NRG1: variants seen among roughly 807,000 people sequenced by gnomAD.
NRG1 encodes neuregulin 1.
NRG1 carries 18 observed loss-of-function variants against 63.8 expected under a neutral mutation model. The observed-to-expected ratio is 0.28, with a 90% confidence interval of 0.19 to 0.42. The LOEUF (loss-of-function observed/expected upper bound fraction) is 0.42. NRG1 is among the 10% of genes least tolerant of loss of function. NRG1 has a pLI of 1.00. For synonymous variants in NRG1, 302 were observed against 301.3 expected (o/e 1.00, Z -0.02); for missense variants, 762 against 814.7 (o/e 0.94, Z 0.79).
At chr8:31,668,588 G>A (rs1254270959) in intron 1 of NRG1, among the ~76,000 whole-genome samples, 2 of 152,182 alleles carry the variant, frequency 1.3e-5, no homozygotes, top group African/African-American at 2.4e-5. Flanking sequence ...TTGGAAAATT[G>A]AAGACTAGAT....
chr8:32,246,022 G>A (rs1007723920), intron 1 of NRG1, among the ~76,000 whole-genome samples: 2 of 152,098 alleles, frequency 1.3e-5, no homozygotes, highest in Non-Finnish European at 2.9e-5. Context: ...CTTTAAATGA[G>A]CATACCTAAT....
intron 1 of NRG1, among the ~76,000 whole-genome samples, chr8:32,206,997 CATCT>C (rs1563909070): frequency 2.0e-5 from 3 of 152,128 alleles, no homozygotes. Context: ...CACCATAATC[CATCT>C]ATCTCCTCCG....
intron 1 of NRG1, among the ~76,000 whole-genome samples, chr8:31,961,471 A>T (rs2129626026): frequency 6.6e-6 from 1 of 152,320 alleles, no homozygotes; most frequent in East Asian, 1.9e-4. Flanking sequence ...TGTCTCCTCC[A>T]TTTAAAAAAA....
At chr8:31,926,224 A>C (rs1473249853) in intron 1 of NRG1, among the ~76,000 whole-genome samples, 1 of 152,154 alleles carries the variant, frequency 6.6e-6, no homozygotes. Flanking sequence ...CAGAGGTCTC[A>C]AATGAAAGAC....
intron 1 of NRG1, among the ~76,000 whole-genome samples, chr8:32,550,593 C>T (rs545751927): frequency 4.8e-4 from 73 of 152,248 alleles, no homozygotes; most frequent in Non-Finnish European, 9.4e-4. Context: ...TTGTCAAGGG[C>T]TCCCAGCAGC....
chr8:31,751,157 G>T (rs1235555502), intron 1 of NRG1, among the ~76,000 whole-genome samples: 1 of 151,962 alleles, frequency 6.6e-6, no homozygotes, highest in Non-Finnish European at 1.5e-5. Flanking sequence ...AATATTCGTT[G>T]ACTGTTTACT....
intron 1 of NRG1, among the ~76,000 whole-genome samples, chr8:31,962,758 C>G (rs1026269997): frequency 3.3e-5 from 5 of 152,088 alleles, no homozygotes; most frequent in African/African-American, 1.2e-4. Context: ...CTAGAGTTGC[C>G]TGCCATTTCT....
chr8:32,648,125 G>C (rs192228210), intron 5 of NRG1: 3 of 1,614,104 alleles, frequency 1.9e-6, no homozygotes, highest in Non-Finnish European at 2.5e-6. Context: ...TGTGGGTGTC[G>C]TCTGAGGCAT....
intron 1 of NRG1, among the ~76,000 whole-genome samples, chr8:32,132,418 G>T (rs1406839363): frequency 6.6e-6 from 1 of 151,976 alleles, no homozygotes; most frequent in Non-Finnish European, 1.5e-5. Context: ...TATGAAACTT[G>T]TACGTTTATA....
At chr8:32,026,073 CT>C (rs34251126) in intron 1 of NRG1, 105,393 of 119,532 alleles carry the variant, frequency 0.88, 46,344 homozygotes, top group East Asian at 0.96. Flanking sequence ...ATCTTTTTTT[CT>C]TTTTTTTTTT....
At chr8:31,958,248 T>G (rs1804811453) in intron 1 of NRG1, among the ~76,000 whole-genome samples, 1 of 152,130 alleles carries the variant, frequency 6.6e-6, no homozygotes, top group Non-Finnish European at 1.5e-5. Flanking sequence ...TAAAAACCTG[T>G]TTGTGTTTTT....
intron 1 of NRG1, among the ~76,000 whole-genome samples, chr8:32,503,556 A>G (rs1828139834): frequency 6.6e-6 from 1 of 152,178 alleles, no homozygotes; most frequent in Admixed American, 6.6e-5. Flanking sequence ...TATAAGTTTA[A>G]TAGCCTTAAA....
At chr8:32,450,410 A>G (rs938453406) in intron 1 of NRG1, among the ~76,000 whole-genome samples, 4 of 151,858 alleles carry the variant, frequency 2.6e-5, no homozygotes, top group Non-Finnish European at 4.4e-5. Flanking sequence ...GTGAGACCTC[A>G]TTTCTAAAAA....
intron 1 of NRG1, among the ~76,000 whole-genome samples, chr8:32,496,648 C>T (rs13263585): frequency 0.18 from 26,677 of 151,888 alleles, 2,522 homozygotes; most frequent in Non-Finnish European, 0.19. Flanking sequence ...GACTGGTTAA[C>T]CAGGGTGCAT....
exon 12 of NRG1, chr8:32,765,156 T>C (rs1158758395): frequency 6.6e-6 from 1 of 152,184 alleles, no homozygotes; most frequent in Non-Finnish European, 1.5e-5. Flanking sequence ...GAAAATGGGT[T>C]CTGGCTTGCT....
chr8:32,615,232 A>G (rs2129541630), intron 4 of NRG1, among the ~76,000 whole-genome samples: 1 of 147,630 alleles, frequency 6.8e-6, no homozygotes, highest in African/African-American at 2.5e-5. Flanking sequence ...TATGTATTTC[A>G]TTTTTTAAAC....
Position 31,793,375 on chromosome 8 carries a change from A to G in NRG1, c.37+153944A>G, listed in dbSNP as rs568013000. ...AAACACCTGATAGAATTGAGTCTCA[A>G]TGAAACAGAAAACCTGCTGAATTGA... On this transcript the variant is annotated intron_variant, in intron 1 of 10. Coordinates refer to the NRG1 transcript ENST00000519301. Among the ~76,000 whole-genome samples the G allele has an allele frequency of 1.1e-4, 17 of 152,326 alleles. No homozygotes were observed. In the South Asian group the frequency reaches 3.1e-3, roughly 28 times the overall value.
At chr8:32,661,593 C>T (rs2128875264) in intron 5 of NRG1, among the ~76,000 whole-genome samples, 1 of 148,528 alleles carries the variant, frequency 6.7e-6, no homozygotes, top group East Asian at 2.0e-4. Context: ...ACGGGCTGGT[C>T]TAAAAAACAG....
chr8:32,683,627 C>T (rs1809297861), intron 5 of NRG1, among the ~76,000 whole-genome samples: 1 of 152,142 alleles, frequency 6.6e-6, no homozygotes, highest in Non-Finnish European at 1.5e-5. Context: ...GCTAATTCAT[C>T]CTAATGTTTC....
Sources: gnomAD v4.1 joint callset for allele counts (sites outside exome capture counted in the v4.1 genomes callset) on GRCh38, gnomAD v4.1.1 for gene constraint, MANE v1.5 for transcripts, NCBI Gene and HGNC (gene_info 2026-07-23, HGNC 2026-07-21) for gene names.